DPYS: variants seen among roughly 807,000 people sequenced by gnomAD.
DPYS encodes dihydropyrimidine amidohydrolase.
DPYS carries 39 observed loss-of-function variants against 50.3 expected under a neutral mutation model. The ratio of observed to expected loss-of-function variants is 0.78; its 90% CI spans 0.60 to 1.01. The LOEUF is 1.01. Ranked by LOEUF, DPYS falls within the 50% of genes least tolerant of loss-of-function variation. DPYS has a pLI of 0.00. For missense variants in DPYS, 659 were observed against 680.9 expected (o/e 0.97, Z 0.36); for synonymous variants, 245 against 250.7 (o/e 0.98, Z 0.22).
intron 8 of DPYS, among the ~76,000 whole-genome samples, chr8:104,390,103 A>C (rs1025817705): frequency 3.3e-5 from 5 of 152,224 alleles, no homozygotes; most frequent in African/African-American, 1.2e-4. Flanking sequence ...TTCTGGAAGC[A>C]ACTGGAACTG....
chr8:104,413,495 G>T (rs971502810), intron 7 of DPYS, among the ~76,000 whole-genome samples: 10 of 151,940 alleles, frequency 6.6e-5, no homozygotes, highest in Admixed American at 3.3e-4. Context: ...AGTACTCTTT[G>T]TACCTTTTGT....
intron 7 of DPYS, chr8:104,420,655 AG>A (rs1193603300): frequency 6.7e-6 from 1 of 149,046 alleles, no homozygotes; most frequent in East Asian, 2.0e-4. Context: ...AATCCAAGGG[AG>A]GCTCAATCAA....
chr8:104,464,475 A>G (rs1025829790), intron 1 of DPYS, among the ~76,000 whole-genome samples: 4 of 152,214 alleles, frequency 2.6e-5, no homozygotes, highest in Non-Finnish European at 4.4e-5. Flanking sequence ...CAGCTGTAAG[A>G]GGGAGAATGA....
At chr8:104,444,513 T>A in intron 3 of DPYS, 76 bp from the exon 4 acceptor site, 1 of 1,525,044 alleles carries the variant, frequency 6.6e-7, no homozygotes, top group Non-Finnish European at 9.0e-7. Flanking sequence ...TATCATAAAT[T>A]AAATGCAATG....
rs1813727410 is a variant in DPYS, at chr8:104,451,285, G to A, written c.384C>T (p.Asp128=). Residue 128 remains aspartate (D), a synonymous_variant, in exon 2 of 10, where the codon GAC becomes GAT. Transcript: ENST00000351513. ...ACGTCACTGCCACATGAAGGCTGTA[G>A]TCGCAGCAAACTTTGGGATCAGCCC... ...RSWADPKVCC[D]YSLHVAVTWW... 6.2e-7 allele frequency: 1 copy of A among 1,614,028 alleles called. No homozygotes were observed. Among genetic ancestry groups the A allele is most frequent in the African/African-American group, 1.3e-5 (1 of 74,932 alleles).
At chr8:104,432,566 T>C (rs1167686859) in intron 4 of DPYS, among the ~76,000 whole-genome samples, 1 of 152,226 alleles carries the variant, frequency 6.6e-6, no homozygotes. Flanking sequence ...AGCCAAACTT[T>C]CCTGGACTTT....
intron 2 of DPYS, among the ~76,000 whole-genome samples, chr8:104,450,619 G>A (rs1363589874): frequency 6.6e-6 from 1 of 152,140 alleles, no homozygotes; most frequent in African/African-American, 2.4e-5. Flanking sequence ...CATGGCCTGG[G>A]CAATTAGTGG....
chr8:104,425,681 G>A (rs971252311), intron 6 of DPYS, among the ~76,000 whole-genome samples: 9 of 152,126 alleles, frequency 5.9e-5, no homozygotes. Flanking sequence ...TGCAATTGAA[G>A]TTTTACATGA....
intron 7 of DPYS, among the ~76,000 whole-genome samples, chr8:104,410,425 A>T (rs1812136045): frequency 6.6e-6 from 1 of 151,972 alleles, no homozygotes; most frequent in African/African-American, 2.4e-5. Context: ...ATCCTAGGCC[A>T]ACACCTTTGA....
At chr8:104,452,199 T>G (rs187527527) in intron 1 of DPYS, among the ~76,000 whole-genome samples, 3 of 152,354 alleles carry the variant, frequency 2.0e-5, no homozygotes, top group Admixed American at 2.0e-4. Context: ...TATATTACAT[T>G]ACATCACTAC....
chr8:104,466,515 C>A (rs1301209193), intron 1 of DPYS, 142 bp downstream of exon 1: 1 of 992,346 alleles, frequency 1.0e-6, no homozygotes, highest in Non-Finnish European at 1.4e-6. Flanking sequence ...CTGACACCCG[C>A]CGGGGCTGCG....
intron 8 of DPYS, among the ~76,000 whole-genome samples, chr8:104,388,671 T>C (rs1811290582): frequency 6.6e-6 from 1 of 152,220 alleles, no homozygotes; most frequent in South Asian, 2.1e-4. Context: ...ATTTATCAAA[T>C]AAAGTTTGAT....
chr8:104,460,235 G>A (rs1381210325), intron 1 of DPYS, among the ~76,000 whole-genome samples: 2 of 152,178 alleles, frequency 1.3e-5, no homozygotes, highest in African/African-American at 4.8e-5. Context: ...CAAATCTCAA[G>A]TTGAATTGTA....
chr8:104,432,032 C>T (rs1812972923), intron 4 of DPYS, among the ~76,000 whole-genome samples: 1 of 152,140 alleles, frequency 6.6e-6, no homozygotes, highest in African/African-American at 2.4e-5. Flanking sequence ...ATGAAGAGTG[C>T]TCTATCTGTC....
At chr8:104,381,831 T>C (rs561161339) in intron 8 of DPYS, among the ~76,000 whole-genome samples, 1 of 139,654 alleles carries the variant, frequency 7.2e-6, no homozygotes, top group East Asian at 2.1e-4. Flanking sequence ...GAGCTGTCAG[T>C]GCTTGAGCAG....
chr8:104,410,249 C>G (rs1299604149), intron 7 of DPYS, among the ~76,000 whole-genome samples: 1 of 152,012 alleles, frequency 6.6e-6, no homozygotes, highest in East Asian at 1.9e-4. Flanking sequence ...TTGACTTATC[C>G]CCTCCGGCCA....
chr8:104,450,174 G>GGAGA (rs2140730880), intron 2 of DPYS, among the ~76,000 whole-genome samples: 1 of 139,328 alleles, frequency 7.2e-6, no homozygotes, highest in Non-Finnish European at 1.6e-5. Context: ...AGGGAGGGAG[G>GGAGA]GAAAAGAAGA....
chr8:104,431,025 A>G (rs1001027808), intron 4 of DPYS, among the ~76,000 whole-genome samples: 3 of 152,192 alleles, frequency 2.0e-5, no homozygotes, highest in African/African-American at 7.2e-5. Flanking sequence ...GATGGACACG[A>G]TATTTTATTT....
intron 7 of DPYS, among the ~76,000 whole-genome samples, chr8:104,394,610 C>T (rs1811516475): frequency 6.6e-6 from 1 of 151,868 alleles, no homozygotes; most frequent in Non-Finnish European, 1.5e-5. Context: ...CAATTCTTAC[C>T]CTCCTGCATT....
Sources: allele counts gnomAD v4.1 joint callset (sites outside exome capture counted in the v4.1 genomes callset), GRCh38; gene constraint gnomAD v4.1.1; transcripts MANE v1.5; gene names NCBI Gene and HGNC (gene_info 2026-07-23, HGNC 2026-07-21).